ROBO2: variants seen among roughly 807,000 people sequenced by gnomAD.
ROBO2 encodes the protein roundabout homolog 2.
In ROBO2, 53 loss-of-function variants were observed where a neutral mutation model predicts 160.8. The observed-to-expected ratio is 0.33, with a 90% CI of 0.26 to 0.41. The LOEUF (loss-of-function observed/expected upper bound fraction) is 0.41, where lower values mean the gene tolerates loss of function less well. Ranked by LOEUF, ROBO2 falls within the 10% of genes least tolerant of loss-of-function variation. The pLI is 1.00. For missense variants in ROBO2, 1,577 were observed against 1,722.4 expected, an observed-to-expected ratio of 0.92 and a Z score of 1.49; for synonymous variants, 664 against 611.7, an observed-to-expected ratio of 1.09 and a Z score of -1.26.
At chr3:76,865,454 A>C (rs538748658) in intron 2 of ROBO2, among the ~76,000 whole-genome samples, 5 of 152,200 alleles carry the variant, frequency 3.3e-5, no homozygotes, top group Admixed American at 2.6e-4. Flanking sequence ...CAGTTTGTGG[A>C]CTAGCAATTG....
rs145413893 is a variant in ROBO2, at chr3:77,597,559, G to A, written c.2854+809G>A. Among the ~76,000 whole-genome samples the A allele has an allele frequency of 4.2e-3, 640 of 152,198 alleles. 6 individuals carry two copies. The highest frequency in any genetic ancestry group is 0.014 in the African/African-American group (595 of 41,530). The stretch of plus-strand genomic sequence containing the variant: ...CTTGGCAGGTTCATGTGAGTTTTCC[G>A]TTGGTGGAAGATTGTACAGACATTA... On this transcript the variant is annotated intron_variant, in intron 19 of 25. Transcript: ENST00000461745.
At chr3:76,622,080 ATG>A (rs1279443695) in intron 2 of ROBO2, among the ~76,000 whole-genome samples, 1 of 66,680 alleles carries the variant, frequency 1.5e-5, no homozygotes, top group Non-Finnish European at 3.9e-5. Flanking sequence ...CTTGTGGCTC[ATG>A]TGTGTAATCC....
At chr3:76,072,540 T>A (rs2068495764) in intron 2 of ROBO2, among the ~76,000 whole-genome samples, 1 of 152,140 alleles carries the variant, frequency 6.6e-6, no homozygotes, top group Non-Finnish European at 1.5e-5. Context: ...AGTCAGAAAC[T>A]TATACTAAAT....
chr3:77,515,864 A>AAAAG (rs2089964354), intron 5 of ROBO2, among the ~76,000 whole-genome samples: 1 of 151,720 alleles, frequency 6.6e-6, no homozygotes, highest in South Asian at 2.1e-4. Context: ...TTCTAATATT[A>AAAAG]AAATTAGGAC....
intron 2 of ROBO2, among the ~76,000 whole-genome samples, chr3:76,251,114 A>C (rs1232617823): frequency 3.3e-5 from 5 of 152,040 alleles, no homozygotes; most frequent in Non-Finnish European, 7.4e-5. Context: ...CTACCCCTGC[A>C]GCCTTTTGAT....
chr3:76,454,903 T>C (rs1390481701), intron 2 of ROBO2, among the ~76,000 whole-genome samples: 2 of 152,060 alleles, frequency 1.3e-5, no homozygotes, highest in Non-Finnish European at 1.5e-5. Flanking sequence ...TATTCAACAT[T>C]CTAGAAAACA....
chr3:77,617,042 G>A (rs970765350), intron 21 of ROBO2, among the ~76,000 whole-genome samples: 4 of 152,112 alleles, frequency 2.6e-5, no homozygotes, highest in African/African-American at 9.7e-5. Flanking sequence ...AATGACATAT[G>A]GAATGAAAGG....
intron 2 of ROBO2, among the ~76,000 whole-genome samples, chr3:76,312,417 G>A (rs537698067): frequency 8.5e-5 from 13 of 152,240 alleles, no homozygotes; most frequent in African/African-American, 2.9e-4. Flanking sequence ...AGCCCCATCA[G>A]TCTGATCTTT....
chr3:76,773,713 T>C (rs527739415), intron 2 of ROBO2, among the ~76,000 whole-genome samples: 1 of 150,908 alleles, frequency 6.6e-6, no homozygotes, highest in Admixed American at 6.6e-5. Flanking sequence ...TCCTATATCA[T>C]ATATAGTCAT....
chr3:76,141,157 C>CTATA (rs1175006681), intron 2 of ROBO2, among the ~76,000 whole-genome samples: 33 of 17,952 alleles, frequency 1.8e-3, no homozygotes, highest in Admixed American at 3.6e-3. Flanking sequence ...CTCTCTCTCT[C>CTATA]TCTATATATA....
chr3:76,261,074 A>G (rs1036647195), intron 2 of ROBO2, among the ~76,000 whole-genome samples: 8 of 151,996 alleles, frequency 5.3e-5, no homozygotes, highest in African/African-American at 1.9e-4. Context: ...TATGATTTTG[A>G]GATTTAATTC....
chr3:77,481,139 G>A (rs1481993137), exon 4 of ROBO2: 3 of 1,612,394 alleles, frequency 1.9e-6, no homozygotes, highest in Non-Finnish European at 1.7e-6. Flanking sequence ...ACCAGGAAAA[G>A]TGATGCAGGG....
intron 1 of ROBO2, among the ~76,000 whole-genome samples, chr3:77,085,916 C>T (rs2069239594): frequency 6.6e-6 from 1 of 152,074 alleles, no homozygotes; most frequent in Non-Finnish European, 1.5e-5. Context: ...CCTGTCATCT[C>T]ATAAGTCATG....
intron 2 of ROBO2, among the ~76,000 whole-genome samples, chr3:77,120,888 AT>A (rs2074689947): frequency 6.6e-6 from 1 of 152,148 alleles, no homozygotes; most frequent in South Asian, 2.1e-4. Flanking sequence ...ACCCAAAATA[AT>A]TTCTTATTAG....
intron 2 of ROBO2, among the ~76,000 whole-genome samples, chr3:76,279,054 T>C (rs1366327032): frequency 6.6e-6 from 1 of 151,792 alleles, no homozygotes. Context: ...CAAACATTTA[T>C]GTATAGAAAA....
At chr3:76,013,745 A>C (rs936934250) in intron 2 of ROBO2, among the ~76,000 whole-genome samples, 1 of 136,556 alleles carries the variant, frequency 7.3e-6, no homozygotes, top group African/African-American at 2.8e-5. Context: ...TATAAAGGCA[A>C]TTGGCAACTG....
intron 2 of ROBO2, among the ~76,000 whole-genome samples, chr3:76,368,448 A>G (rs1201600256): frequency 6.6e-5 from 10 of 151,894 alleles, no homozygotes; most frequent in Admixed American, 5.9e-4. Context: ...AGCAGCCTCA[A>G]GAAATAATAC....
At chr3:76,857,186 C>T (rs1292871788) in intron 2 of ROBO2, among the ~76,000 whole-genome samples, 3 of 152,012 alleles carry the variant, frequency 2.0e-5, no homozygotes, top group Non-Finnish European at 4.4e-5. Flanking sequence ...GGGGTTTCAC[C>T]GTGTTAGCCA....
At chr3:75,929,604 T>C (rs6775670) in intron 1 of ROBO2, among the ~76,000 whole-genome samples, 13,291 of 152,082 alleles carry the variant, frequency 0.087, 1,896 homozygotes, top group African/African-American at 0.29. Flanking sequence ...TTCTTGCAAA[T>C]TGTACTGTTC....
Sources: gnomAD v4.1 joint callset for allele counts (sites outside exome capture counted in the v4.1 genomes callset) on GRCh38, gnomAD v4.1.1 for gene constraint, MANE v1.5 for transcripts, NCBI Gene and HGNC (gene_info 2026-07-23, HGNC 2026-07-21) for gene names.